CREB3L2: variants seen among roughly 807,000 people sequenced by gnomAD.
The protein encoded by CREB3L2 is cyclic AMP-responsive element-binding protein 3-like protein 2.
CREB3L2 carries 23 observed loss-of-function variants against 57.2 expected under a neutral mutation model. That is an observed-to-expected ratio of 0.40 (90% CI 0.29 to 0.57). CREB3L2 has a LOEUF of 0.57. CREB3L2 is among the 20% of genes least tolerant of loss of function. The pLI is 0.42. For missense variants in CREB3L2, 628 were observed against 634.7 expected (o/e 0.99, Z 0.11); for synonymous variants, 268 against 265.1 (o/e 1.01, Z -0.11).
chr7:137,901,551 G>T (rs1799757827), intron 7 of CREB3L2, 129 bp from the exon 8 acceptor site: 3 of 537,042 alleles, frequency 5.6e-6, no homozygotes, highest in Non-Finnish European at 9.9e-6. Context: ...GGAAGTGTGG[G>T]AAAGTATTGA....
rs61028865 is a variant in CREB3L2 at position 137,946,794 on chromosome 7, T to TTA, written c.103-18430_103-18429dup. ...GTTATCTATATAGTTATCTATATAG[T>TTA]TATATATAGTTATATATAGTTATCT... is the stretch of plus-strand genomic sequence containing the variant. On this transcript the variant is annotated intron_variant, in intron 1 of 11. Coordinates refer to ENST00000330387, the MANE Select transcript of CREB3L2 (RefSeq NM_194071.4). Among the ~76,000 whole-genome samples the TTA allele has an allele frequency of 3.7e-3, 154 of 41,682 alleles. 22 individuals are homozygous for TTA. The highest frequency in any genetic ancestry group is 1.0e-2 in the South Asian group (12 of 1,206). 27.3% of individuals were successfully genotyped at this position (41,682 alleles called of 152,430 possible). A position where few individuals can be genotyped will look rare whatever the true frequency, so the allele number is the denominator to read the frequency against.
chr7:137,925,390 T>A (rs908319211), intron 2 of CREB3L2, among the ~76,000 whole-genome samples: 2 of 152,194 alleles, frequency 1.3e-5, no homozygotes, highest in African/African-American at 4.8e-5. Flanking sequence ...GAAATATTAA[T>A]TCCCCATCTA....
chr7:137,925,428 G>A (rs1800431261), intron 2 of CREB3L2, among the ~76,000 whole-genome samples: 1 of 152,096 alleles, frequency 6.6e-6, no homozygotes, highest in South Asian at 2.1e-4. Flanking sequence ...TCCTAGTTTT[G>A]CTTAAGCTAT....
chr7:137,964,861 G>A (rs1020936394), intron 1 of CREB3L2, among the ~76,000 whole-genome samples: 3 of 152,142 alleles, frequency 2.0e-5, no homozygotes, highest in African/African-American at 7.2e-5. Context: ...TCTCATGGTA[G>A]TGAATACATC....
At chr7:137,994,555 AC>A (rs1396466571) in intron 1 of CREB3L2, among the ~76,000 whole-genome samples, 1 of 151,660 alleles carries the variant, frequency 6.6e-6, no homozygotes, top group East Asian at 1.9e-4. Context: ...CCTGGCTCCC[AC>A]CCCTCCCTAG....
At chr7:137,971,386 C>A (rs1299644887) in intron 1 of CREB3L2, among the ~76,000 whole-genome samples, 1 of 150,898 alleles carries the variant, frequency 6.6e-6, no homozygotes, top group East Asian at 2.0e-4. Context: ...GGAGGCGGAG[C>A]TTGCAGTGAG....
intron 2 of CREB3L2, among the ~76,000 whole-genome samples, chr7:137,916,743 G>A (rs1022307858): frequency 2.0e-5 from 3 of 151,674 alleles, no homozygotes; most frequent in Admixed American, 1.3e-4. Context: ...GAAAGGGAAG[G>A]GAGGGGGAGG....
intron 1 of CREB3L2, 74 bp from the exon 2 acceptor site, chr7:137,928,440 A>C: frequency 8.6e-7 from 1 of 1,163,860 alleles, no homozygotes; most frequent in Non-Finnish European, 1.3e-6. Flanking sequence ...CACATACCAA[A>C]TACCTCATCC....
chr7:137,883,634 T>C (rs907505754), intron 10 of CREB3L2, among the ~76,000 whole-genome samples: 6 of 152,210 alleles, frequency 3.9e-5, no homozygotes, highest in African/African-American at 1.4e-4. Flanking sequence ...AAAAGTTACA[T>C]GAATGTGGCC....
intron 8 of CREB3L2, among the ~76,000 whole-genome samples, chr7:137,895,765 TATC>T (rs1799617688): frequency 2.0e-5 from 3 of 151,774 alleles, no homozygotes; most frequent in African/African-American, 7.3e-5. Context: ...AGTAAAGAGG[TATC>T]ATTTTCTTTC....
intron 7 of CREB3L2, among the ~76,000 whole-genome samples, chr7:137,902,194 C>CAAAAAA (rs58506555): frequency 0.42 from 34,111 of 81,544 alleles, 6,019 homozygotes; most frequent in Admixed American, 0.52. Context: ...ACTCTGTCTC[C>CAAAAAA]AAAAAAAAAA....
chr7:137,969,495 C>T lies in CREB3L2; in HGVS notation c.102+32109G>A, dbSNP rs935071553. Reference sequence around the variant, plus strand: ...CCAAGTAGCTGGGACTACAGGCGCCCGCCATCACACCCGGCTAATTTTTTT... The same window carrying T: ...CCAAGTAGCTGGGACTACAGGCGCCTGCCATCACACCCGGCTAATTTTTTT... On this transcript the variant is annotated intron_variant, in intron 1 of 11. Coordinates refer to ENST00000330387, the MANE Select transcript of CREB3L2 (RefSeq NM_194071.4). Among the ~76,000 whole-genome samples, 5 of 151,400 alleles carry T rather than the reference C, an allele frequency of 3.3e-5. No individual in the cohort carries two copies. The East Asian group carries it at 7.7e-4, about 23-fold the overall frequency.
intron 2 of CREB3L2, among the ~76,000 whole-genome samples, chr7:137,927,888 C>T (rs1340451799): frequency 6.6e-6 from 1 of 152,070 alleles, no homozygotes; most frequent in Non-Finnish European, 1.5e-5. Flanking sequence ...AAAGGCTGCT[C>T]TGCTGCTGAA....
intron 10 of CREB3L2, among the ~76,000 whole-genome samples, 167 bp from the exon 11 acceptor site, chr7:137,882,795 T>C (rs943155992): frequency 2.0e-5 from 3 of 152,166 alleles, no homozygotes; most frequent in Non-Finnish European, 4.4e-5. Context: ...ACTTTAGAGC[T>C]TCGGAGTTTG....
At chr7:137,962,152 C>T (rs529398146) in intron 1 of CREB3L2, among the ~76,000 whole-genome samples, 6 of 152,276 alleles carry the variant, frequency 3.9e-5, no homozygotes, top group Non-Finnish European at 7.4e-5. Flanking sequence ...GGTTTTTAAG[C>T]GCAAATCCAG....
At chr7:137,902,503 A>T (rs1291052141) in intron 7 of CREB3L2, among the ~76,000 whole-genome samples, 1 of 152,180 alleles carries the variant, frequency 6.6e-6, no homozygotes, top group Admixed American at 6.5e-5. Flanking sequence ...AGAGACTTTC[A>T]TAGGAACATC....
chr7:137,889,662 T>G (rs1324816022), intron 8 of CREB3L2, among the ~76,000 whole-genome samples: 1 of 152,200 alleles, frequency 6.6e-6, no homozygotes, highest in African/African-American at 2.4e-5. Context: ...AATGACAACA[T>G]GTGCAAGGCC....
At chr7:137,934,632 C>A (rs1236669182) in intron 1 of CREB3L2, among the ~76,000 whole-genome samples, 2 of 152,202 alleles carry the variant, frequency 1.3e-5, no homozygotes, top group African/African-American at 4.8e-5. Flanking sequence ...GGCTCACAGA[C>A]GGTCATCCGC....
chr7:137,996,878 T>C (rs2117335545), intron 1 of CREB3L2, among the ~76,000 whole-genome samples: 1 of 152,374 alleles, frequency 6.6e-6, no homozygotes, highest in Middle Eastern at 3.4e-3. Flanking sequence ...CTGTTGTTAC[T>C]TTCACAAAGA....
Sources: gnomAD v4.1 joint callset for allele counts (sites outside exome capture counted in the v4.1 genomes callset) on GRCh38, gnomAD v4.1.1 for gene constraint, MANE v1.5 for transcripts, NCBI Gene and HGNC (gene_info 2026-07-23, HGNC 2026-07-21) for gene names.